Variants in POU2F1 observed in about 807,000 individuals in gnomAD.
The protein encoded by POU2F1 is POU class 2 homeobox 1.
Under a neutral mutation model 84.9 loss-of-function variants are expected in POU2F1, and 16 were observed. The ratio of observed to expected loss-of-function variants is 0.19; its 90% CI spans 0.13 to 0.29. The LOEUF (loss-of-function observed/expected upper bound fraction) is 0.29, where lower values mean the gene tolerates loss of function less well. Among genes scored for constraint, POU2F1 ranks in the 10% least tolerant of loss-of-function variants. POU2F1 has a pLI of 1.00. For missense variants in POU2F1, 738 were observed against 942.6 expected (o/e 0.78, Z 2.84); for synonymous variants, 368 against 368.3 (o/e 1.00, Z 0.01).
At chr1:167,393,516 G>A (rs1648577496) in intron 9 of POU2F1, among the ~76,000 whole-genome samples, 1 of 151,418 alleles carries the variant, frequency 6.6e-6, no homozygotes, top group African/African-American at 2.4e-5. Flanking sequence ...ATTTTTTTTA[G>A]AGAGAGGGTC....
rs1281381446 is a variant in POU2F1, at chr1:167,417,417, A to G, written c.*1607A>G. 3 of 152,256 alleles carry G rather than the reference A, an allele frequency of 2.0e-5. No individual in the cohort carries two copies. Among genetic ancestry groups the G allele is most frequent in the African/African-American group, 7.2e-5 (3 of 41,466 alleles). The allele number at this position is 152,256 out of a possible 1,614,324, so 9.4% of individuals were successfully genotyped here. A position where few individuals can be genotyped will look rare whatever the true frequency, so the allele number is the denominator to read the frequency against. On this transcript the variant is annotated 3_prime_UTR_variant, in exon 16 of 16. Coordinates refer to ENST00000367866, the MANE Select transcript of POU2F1 (RefSeq NM_002697.4). ...GTAATTATTTTCAGGGTGTTTGTAG[A>G]CTATATAAATGAGCCCATTGAAAAG...
At chr1:167,233,303 ATTT>A (rs371350367) in intron 1 of POU2F1, among the ~76,000 whole-genome samples, 1 of 141,144 alleles carries the variant, frequency 7.1e-6, no homozygotes, top group African/African-American at 2.6e-5. Context: ...TGCCCAGCTA[ATTT>A]TTTTTTTTTT....
intron 11 of POU2F1, 92 bp from the exon 12 acceptor site, chr1:167,399,094 A>G (rs1356606548): frequency 7.7e-7 from 1 of 1,290,952 alleles, no homozygotes; most frequent in East Asian, 2.3e-5. Context: ...TATGTATCCC[A>G]GCTTCATTTT....
intron 1 of POU2F1, among the ~76,000 whole-genome samples, chr1:167,223,849 T>C (rs1215599682): frequency 6.6e-6 from 1 of 152,190 alleles, no homozygotes; most frequent in Non-Finnish European, 1.5e-5. Context: ...AAATAGCATA[T>C]GTTTTTGCAC....
At position 167,323,398 on chromosome 1, in the gene POU2F1, C is replaced by T. The variant is rs185476590; in HGVS notation, c.62-9072C>T. The stretch of plus-strand genomic sequence containing the variant: ...ATTGTTAGAGTGAACAGTAGATGAG[C>T]TATGTATATAGCTGTAAAAATGTAA... On this transcript the variant is annotated intron_variant, in intron 1 of 15. Transcript: ENST00000367866. 2.5e-4 allele frequency among the ~76,000 whole-genome samples: 38 copies of T among 152,236 alleles called. 1 individual carries two copies. The highest frequency in any genetic ancestry group is 1.6e-3 in the Admixed American group (25 of 15,288).
At chr1:167,381,416 A>G (rs1029745979) in intron 7 of POU2F1, among the ~76,000 whole-genome samples, 4 of 151,802 alleles carry the variant, frequency 2.6e-5, no homozygotes, top group Admixed American at 6.6e-5. Context: ...CTAAACCTCT[A>G]TGGGCCCTTT....
At chr1:167,238,167 T>G (rs1649642902) in intron 1 of POU2F1, among the ~76,000 whole-genome samples, 1 of 152,128 alleles carries the variant, frequency 6.6e-6, no homozygotes, top group African/African-American at 2.4e-5. Context: ...TTTTTTGAGA[T>G]GCATTAATGT....
intron 14 of POU2F1, among the ~76,000 whole-genome samples, 166 bp from the exon 15 acceptor site, chr1:167,412,860 G>A (rs912377022): frequency 1.3e-5 from 2 of 152,176 alleles, no homozygotes; most frequent in Admixed American, 6.5e-5. Context: ...TAAGCATCCA[G>A]GAAAGCAGTA....
At position 167,416,060 on chromosome 1, in the gene POU2F1, G is replaced by T; in HGVS notation, c.*250G>T. Reference sequence around the variant, plus strand: ...CACTGTCTTTTCAGGATTGCTTCATGGATTGGAGAACTTTCTAACCAAAAA... The same window carrying T: ...CACTGTCTTTTCAGGATTGCTTCATTGATTGGAGAACTTTCTAACCAAAAA... On this transcript the variant is annotated 3_prime_UTR_variant, in exon 16 of 16. Coordinates refer to ENST00000367866, the MANE Select transcript of POU2F1 (RefSeq NM_002697.4). 1.8e-6 allele frequency: 1 copy of T among 569,116 alleles called. No homozygotes were observed. Among genetic ancestry groups the T allele is most frequent in the Non-Finnish European group, 3.2e-6 (1 of 314,550 alleles). The allele number at this position is 569,116 out of a possible 1,614,324, so 35.3% of individuals were successfully genotyped here. A position where few individuals can be genotyped will look rare whatever the true frequency, so the allele number is the denominator to read the frequency against.
intron 1 of POU2F1, among the ~76,000 whole-genome samples, chr1:167,294,998 G>T (rs559311476): frequency 6.6e-6 from 1 of 151,952 alleles, no homozygotes; most frequent in Non-Finnish European, 1.5e-5. Flanking sequence ...GCCGGGTGTG[G>T]TAGAGGGTGC....
intron 1 of POU2F1, among the ~76,000 whole-genome samples, chr1:167,322,247 C>A (rs996358239): frequency 6.6e-6 from 1 of 152,178 alleles, no homozygotes; most frequent in African/African-American, 2.4e-5. Flanking sequence ...TCACTTTTCC[C>A]CATCTCCATA....
At chr1:167,399,803 AG>A (rs1164730709) in intron 12 of POU2F1, among the ~76,000 whole-genome samples, 1 of 143,274 alleles carries the variant, frequency 7.0e-6, no homozygotes, top group Non-Finnish European at 1.5e-5. Context: ...CCTCCCGAGT[AG>A]CTGGGATTAT....
At chr1:167,251,826 A>AT (rs1443387109) in intron 1 of POU2F1, among the ~76,000 whole-genome samples, 1 of 150,876 alleles carries the variant, frequency 6.6e-6, no homozygotes, top group Non-Finnish European at 1.5e-5. Flanking sequence ...AGCTCACTGT[A>AT]TTTTTTGTTT....
intron 1 of POU2F1, among the ~76,000 whole-genome samples, chr1:167,278,723 T>G (rs1430982984): frequency 6.6e-6 from 1 of 152,100 alleles, no homozygotes; most frequent in African/African-American, 2.4e-5. Flanking sequence ...TTAGCTCACT[T>G]TTCAGCAAGC....
intron 13 of POU2F1, among the ~76,000 whole-genome samples, chr1:167,403,188 CATT>C (rs1289922416): frequency 2.6e-5 from 4 of 151,896 alleles, no homozygotes; most frequent in Admixed American, 6.6e-5. Flanking sequence ...TTATTAAAAA[CATT>C]ATTAGGAAAT....
chr1:167,409,803 T>C (rs977801109), intron 13 of POU2F1, among the ~76,000 whole-genome samples: 2 of 152,172 alleles, frequency 1.3e-5, no homozygotes, highest in African/African-American at 2.4e-5. Flanking sequence ...CTTATAAAAA[T>C]AGGCAATTCA....
At chr1:167,335,612 A>T (rs1427056134) in intron 2 of POU2F1, among the ~76,000 whole-genome samples, 1 of 152,158 alleles carries the variant, frequency 6.6e-6, no homozygotes, top group African/African-American at 2.4e-5. Context: ...TTCACATCAG[A>T]TTGCTTCATT....
chr1:167,299,532 C>T (rs76951685), intron 1 of POU2F1, among the ~76,000 whole-genome samples: 1,931 of 152,258 alleles, frequency 0.013, 42 homozygotes, highest in African/African-American at 0.045. Flanking sequence ...GAATGTTCTA[C>T]GTGCAAGGAC....
intron 1 of POU2F1, among the ~76,000 whole-genome samples, chr1:167,293,735 A>G (rs1253160585): frequency 6.6e-6 from 1 of 152,214 alleles, no homozygotes; most frequent in Non-Finnish European, 1.5e-5. Flanking sequence ...TACCAAAGCA[A>G]CATGGTACTG....
Sources: allele counts gnomAD v4.1 joint callset (sites outside exome capture counted in the v4.1 genomes callset), GRCh38; gene constraint gnomAD v4.1.1; transcripts MANE v1.5; gene names NCBI Gene and HGNC (gene_info 2026-07-23, HGNC 2026-07-21).